RARB: variants seen among roughly 807,000 people sequenced by gnomAD.
RARB encodes the protein HBV-activated protein.
A neutral mutation model predicts 51.9 loss-of-function variants in RARB; 17 were observed. That is an observed-to-expected ratio of 0.33 (90% CI 0.22 to 0.49). The LOEUF (loss-of-function observed/expected upper bound fraction) is 0.49, where lower values mean the gene tolerates loss of function less well. RARB is among the 20% of genes least tolerant of loss of function. RARB has a pLI of 0.99. For synonymous variants in RARB, 215 were observed against 195.4 expected (o/e 1.10, Z -0.84); for missense variants, 369 against 550.8 (o/e 0.67, Z 3.30).
intron 2 of RARB, among the ~76,000 whole-genome samples, chr3:24,933,170 A>T (rs754620294): frequency 4.3e-4 from 66 of 152,124 alleles, no homozygotes; most frequent in Admixed American, 1.2e-3. Context: ...CAATAAAAAT[A>T]TGCAAATCCT....
At chr3:24,886,602 G>T (rs543661755) in intron 2 of RARB, among the ~76,000 whole-genome samples, 3 of 151,764 alleles carry the variant, frequency 2.0e-5, no homozygotes, top group Non-Finnish European at 4.4e-5. Context: ...ATGCCACCAC[G>T]CCTGGCTAAT....
intron 5 of RARB, among the ~76,000 whole-genome samples, chr3:25,407,230 A>G (rs1450854463): frequency 1.3e-5 from 2 of 152,172 alleles, no homozygotes; most frequent in Non-Finnish European, 2.9e-5. Flanking sequence ...TAGCTTCTGT[A>G]GACGTCACTA....
chr3:25,269,161 T>C (rs1051282177), intron 5 of RARB, among the ~76,000 whole-genome samples: 4 of 152,204 alleles, frequency 2.6e-5, no homozygotes, highest in African/African-American at 9.7e-5. Flanking sequence ...AAAATATGTC[T>C]CAACTTTGGG....
chr3:25,208,178 G>A (rs1469626975), intron 5 of RARB, among the ~76,000 whole-genome samples: 12 of 152,034 alleles, frequency 7.9e-5, no homozygotes, highest in Non-Finnish European at 1.2e-4. Flanking sequence ...AGGCCTTACC[G>A]CCAACACTGG....
At chr3:25,272,225 G>A (rs1287953650) in intron 5 of RARB, among the ~76,000 whole-genome samples, 1 of 152,168 alleles carries the variant, frequency 6.6e-6, no homozygotes, top group Non-Finnish European at 1.5e-5. Context: ...CTCCGGTTGT[G>A]TACTGTGCTG....
chr3:25,090,430 A>T (rs907169077), intron 3 of RARB, among the ~76,000 whole-genome samples: 1 of 152,112 alleles, frequency 6.6e-6, no homozygotes, highest in East Asian at 1.9e-4. Context: ...GCCTGTGTTC[A>T]ATATATAACT....
chr3:25,360,104 G>T (rs146736650), intron 5 of RARB, among the ~76,000 whole-genome samples: 1 of 152,120 alleles, frequency 6.6e-6, no homozygotes, highest in African/African-American at 2.4e-5. Flanking sequence ...TATTGTGTGG[G>T]AGTCTAAGTC....
chr3:25,407,255 G>A (rs1044445524), intron 5 of RARB, among the ~76,000 whole-genome samples: 4 of 152,168 alleles, frequency 2.6e-5, no homozygotes, highest in African/African-American at 4.8e-5. Flanking sequence ...CAAACAGACG[G>A]GGGTACTAGG....
intron 3 of RARB, among the ~76,000 whole-genome samples, chr3:25,067,687 AC>A (rs1425752134): frequency 6.6e-6 from 1 of 151,280 alleles, no homozygotes; most frequent in Non-Finnish European, 1.5e-5. Context: ...TCCTTTGCAA[AC>A]CCCCTTCTCC....
At chr3:25,491,335 C>T (rs1575454687) in intron 2 of RARB, among the ~76,000 whole-genome samples, 1 of 150,984 alleles carries the variant, frequency 6.6e-6, no homozygotes, top group African/African-American at 2.4e-5. Context: ...AAACATAAAA[C>T]CCCTCCTGTA....
chr3:25,158,131 C>T (rs11711519), intron 4 of RARB, among the ~76,000 whole-genome samples: 71,977 of 152,036 alleles, frequency 0.47, 17,789 homozygotes, highest in East Asian at 0.7. Context: ...TTACTGCTCA[C>T]GTATTACCAG....
chr3:24,940,581 C>G (rs902978460), intron 2 of RARB, among the ~76,000 whole-genome samples: 1 of 152,130 alleles, frequency 6.6e-6, no homozygotes, highest in Non-Finnish European at 1.5e-5. Flanking sequence ...CCTTGTCTTG[C>G]ATCTCTATGG....
chr3:25,022,114 A>G (rs1268241951), intron 2 of RARB, among the ~76,000 whole-genome samples: 7 of 152,196 alleles, frequency 4.6e-5, no homozygotes, highest in Admixed American at 2.6e-4. Context: ...CAGAAACTGG[A>G]GAGCTTTGAA....
chr3:25,503,279 G>A (rs750260169), intron 3 of RARB, among the ~76,000 whole-genome samples: 5 of 152,210 alleles, frequency 3.3e-5, no homozygotes, highest in African/African-American at 4.8e-5. Flanking sequence ...TGAGATTCAC[G>A]GGATGATCAC....
At chr3:25,083,327 A>G (rs141151724) in intron 3 of RARB, among the ~76,000 whole-genome samples, 11 of 152,140 alleles carry the variant, frequency 7.2e-5, no homozygotes, top group Non-Finnish European at 1.6e-4. Context: ...AGATCACTAA[A>G]GCTCTATTTT....
chr3:25,261,852 C>T (rs1703006513), intron 5 of RARB, among the ~76,000 whole-genome samples: 1 of 152,132 alleles, frequency 6.6e-6, no homozygotes, highest in Non-Finnish European at 1.5e-5. Flanking sequence ...GCACTATTCC[C>T]AAAATTCGGT....
intron 5 of RARB, among the ~76,000 whole-genome samples, chr3:25,176,546 C>G (rs941182320): frequency 6.6e-6 from 1 of 151,348 alleles, no homozygotes; most frequent in African/African-American, 2.4e-5. Context: ...CAGGCACGCA[C>G]CACCACACCC....
chr3:25,138,024 G>A (rs1341385976), intron 4 of RARB, among the ~76,000 whole-genome samples: 2 of 152,092 alleles, frequency 1.3e-5, no homozygotes, highest in Non-Finnish European at 2.9e-5. Flanking sequence ...GAAAGGCATG[G>A]TCAGGCAACT....
chr3:25,160,074 C>G (rs978936286), intron 4 of RARB, among the ~76,000 whole-genome samples: 1 of 152,204 alleles, frequency 6.6e-6, no homozygotes, highest in Non-Finnish European at 1.5e-5. Flanking sequence ...TCTATAAACT[C>G]ACACACTGGT....
Sources: gnomAD v4.1 joint callset for allele counts (sites outside exome capture counted in the v4.1 genomes callset) on GRCh38, gnomAD v4.1.1 for gene constraint, MANE v1.5 for transcripts, NCBI Gene and HGNC (gene_info 2026-07-23, HGNC 2026-07-21) for gene names.